HECW1: variants seen among roughly 807,000 people sequenced by gnomAD.
HECW1 encodes the protein E3 ubiquitin-protein ligase HECW1.
A neutral mutation model predicts 182.3 loss-of-function variants in HECW1; 61 were observed. The ratio of observed to expected loss-of-function variants is 0.33; its 90% CI spans 0.27 to 0.41. The LOEUF is 0.41. HECW1 is among the 10% of genes least tolerant of loss of function. The pLI, the probability that HECW1 is intolerant of heterozygous loss-of-function variation, is 1.00. For missense variants in HECW1, 1,739 were observed against 2,108.9 expected, an observed-to-expected ratio of 0.82 and a Z score of 3.44; for synonymous variants, 859 against 832.6, an observed-to-expected ratio of 1.03 and a Z score of -0.55.
At chr7:43,386,009 T>C (rs2074779979) in intron 6 of HECW1, among the ~76,000 whole-genome samples, 1 of 152,216 alleles carries the variant, frequency 6.6e-6, no homozygotes, top group Non-Finnish European at 1.5e-5. Context: ...ATTCAGTTCC[T>C]TGTGGTTAGG....
intron 21 of HECW1, 31 bp downstream of exon 21, chr7:43,501,353 T>C (rs906581301): frequency 2.4e-6 from 3 of 1,263,082 alleles, no homozygotes; most frequent in African/African-American, 3.0e-5. Context: ...TAGCTCCTGT[T>C]AAGTGGCCAC....
chr7:43,414,665 AG>A (rs1162303926), intron 8 of HECW1, among the ~76,000 whole-genome samples: 1 of 150,060 alleles, frequency 6.7e-6, no homozygotes, highest in East Asian at 2.0e-4. Context: ...TTTAGCATGA[AG>A]GGTTGTTGAA....
chr7:43,453,484 G>A (rs1417221111), intron 12 of HECW1, among the ~76,000 whole-genome samples: 3 of 152,138 alleles, frequency 2.0e-5, no homozygotes, highest in Non-Finnish European at 2.9e-5. Context: ...ACTTGGTTTC[G>A]ATCATCCTGT....
intron 24 of HECW1, among the ~76,000 whole-genome samples, chr7:43,531,739 C>T (rs549514850): frequency 2.6e-5 from 4 of 152,336 alleles, no homozygotes; most frequent in South Asian, 2.1e-4. Context: ...TTGACACAGT[C>T]GGCCTCTGCC....
At chr7:43,177,310 G>A (rs1252318936) in intron 2 of HECW1, among the ~76,000 whole-genome samples, 1 of 152,098 alleles carries the variant, frequency 6.6e-6, no homozygotes, top group African/African-American at 2.4e-5. Context: ...CATTGGTGGT[G>A]GGGCCTTCCA....
chr7:43,507,233 T>G lies in HECW1; in HGVS notation c.3728T>G (p.Phe1243Cys). The change falls in exon 22 of 30, where the codon TTT (phenylalanine) becomes TGT (cysteine). Residue 1243 changes from phenylalanine to cysteine, a missense_variant. Transcript: ENST00000395891. ...NFYRKLEAKG[F>C]GQGPGKIKLI... is the part of the protein sequence containing the mutation. ...TACAGAAAACTGGAAGCCAAAGGAT[T>G]TGGTCAGGGTCCGGGGAAAATTAAG... The G allele has an allele frequency of 5.0e-6, 8 of 1,613,692 alleles. No homozygotes were observed. Among genetic ancestry groups the G allele is most frequent in the Non-Finnish European group, 5.9e-6 (7 of 1,179,668 alleles).
chr7:43,187,077 A>G (rs946578911), intron 2 of HECW1, among the ~76,000 whole-genome samples: 1 of 152,200 alleles, frequency 6.6e-6, no homozygotes, highest in African/African-American at 2.4e-5. Flanking sequence ...CAAAACTACA[A>G]TGTCTGAGGG....
chr7:43,451,163 G>A (rs571231307), intron 12 of HECW1, among the ~76,000 whole-genome samples: 2 of 152,144 alleles, frequency 1.3e-5, no homozygotes, highest in South Asian at 2.1e-4. Flanking sequence ...AGTGTTTTCA[G>A]TGCCTCTCAA....
At chr7:43,493,349 G>A (rs1033613464) in intron 19 of HECW1, among the ~76,000 whole-genome samples, 169 bp downstream of exon 19, 2 of 152,062 alleles carry the variant, frequency 1.3e-5, no homozygotes, top group African/African-American at 4.8e-5. Context: ...TGTATTCTGG[G>A]AAATGGCATA....
intron 2 of HECW1, among the ~76,000 whole-genome samples, chr7:43,215,912 G>A (rs143879674): frequency 3.3e-5 from 5 of 152,256 alleles, no homozygotes; most frequent in African/African-American, 1.2e-4. Flanking sequence ...GGACGTATAG[G>A]GCCAGTGTTC....
chr7:43,324,912 G>A (rs1417847771), intron 5 of HECW1, among the ~76,000 whole-genome samples: 1 of 151,872 alleles, frequency 6.6e-6, no homozygotes, highest in Admixed American at 6.6e-5. Flanking sequence ...AGATGACCTG[G>A]AGTCTGCAGG....
intron 2 of HECW1, among the ~76,000 whole-genome samples, chr7:43,211,427 C>G (rs927830567): frequency 1.3e-5 from 2 of 152,076 alleles, no homozygotes; most frequent in Non-Finnish European, 2.9e-5. Context: ...ATGCGGGCAC[C>G]CTGTGGACGC....
At chr7:43,412,425 TTTTATTTATTTATTTA>T (rs200549707) in intron 8 of HECW1, among the ~76,000 whole-genome samples, 1 of 147,058 alleles carries the variant, frequency 6.8e-6, no homozygotes, top group African/African-American at 2.5e-5. Context: ...TTTTCATTTC[TTTTATTTATTTATTTA>T]TTTATTTATT....
At chr7:43,499,005 G>A (rs1458818048) in intron 19 of HECW1, among the ~76,000 whole-genome samples, 1 of 152,066 alleles carries the variant, frequency 6.6e-6, no homozygotes, top group Non-Finnish European at 1.5e-5. Context: ...TTTGGGCCAG[G>A]CTCAGTGGCT....
intron 4 of HECW1, among the ~76,000 whole-genome samples, chr7:43,320,168 G>A (rs1809910209): frequency 6.6e-6 from 1 of 152,198 alleles, no homozygotes; most frequent in Non-Finnish European, 1.5e-5. Context: ...GGATGGTGGT[G>A]ATGCCCAGGT....
rs540931567 is a variant in HECW1 at position 43,289,404 on chromosome 7, C to T, written c.28-22359C>T. On this transcript the variant is annotated intron_variant, in intron 3 of 29. Transcript: ENST00000395891. ...ACAGGTATGAGCCACCACGCCCAGC[C>T]TCCAGCACTTTCTAATGCTGTCCCT... 6.6e-5 allele frequency among the ~76,000 whole-genome samples: 10 copies of T among 152,348 alleles called. No individual in the cohort carries two copies. The South Asian group carries it at 2.1e-3, about 32-fold the overall frequency.
At chr7:43,412,657 T>C (rs1361288446) in intron 8 of HECW1, among the ~76,000 whole-genome samples, 55 of 141,960 alleles carry the variant, frequency 3.9e-4, no homozygotes, top group African/African-American at 1.4e-3. Context: ...CCTGTGTCCA[T>C]GTGATCTCAA....
At chr7:43,525,524 C>T (rs760083829) in intron 24 of HECW1, among the ~76,000 whole-genome samples, 1 of 152,012 alleles carries the variant, frequency 6.6e-6, no homozygotes. Flanking sequence ...GAGGGGTGGG[C>T]CCATTGTAAA....
chr7:43,545,924 A>G (rs1174079833), intron 26 of HECW1, among the ~76,000 whole-genome samples: 1 of 152,152 alleles, frequency 6.6e-6, no homozygotes, highest in African/African-American at 2.4e-5. Flanking sequence ...TTCTCTAAAA[A>G]TGTGTCTATA....
Sources: allele counts gnomAD v4.1 joint callset (sites outside exome capture counted in the v4.1 genomes callset), GRCh38; gene constraint gnomAD v4.1.1; transcripts MANE v1.5; gene names NCBI Gene and HGNC (gene_info 2026-07-23, HGNC 2026-07-21).